The following FRMD3 variants were observed in gnomAD, a reference collection of about 807,000 sequenced individuals.
FRMD3 encodes the protein FERM domain-containing protein 3.
In FRMD3, 33 loss-of-function variants were observed where a neutral mutation model predicts 70.2. The ratio of observed to expected loss-of-function variants is 0.47; its 90% CI spans 0.36 to 0.63. FRMD3 has a LOEUF of 0.63. Ranked by LOEUF, FRMD3 falls within the 20% of genes least tolerant of loss-of-function variation. The pLI, the probability that FRMD3 is intolerant of heterozygous loss-of-function variation, is 0.00. For synonymous variants in FRMD3, 279 were observed against 255.9 expected (o/e 1.09, Z -0.86); for missense variants, 632 against 711.4 (o/e 0.89, Z 1.27).
intron 3 of FRMD3, among the ~76,000 whole-genome samples, chr9:83,370,019 G>C (rs1387351400): frequency 6.6e-6 from 1 of 152,132 alleles, no homozygotes; most frequent in Non-Finnish European, 1.5e-5. Flanking sequence ...CCAACCCTGG[G>C]AAACATCATT....
chr9:83,336,021 C>T (rs1823565732), intron 5 of FRMD3, among the ~76,000 whole-genome samples: 1 of 152,034 alleles, frequency 6.6e-6, no homozygotes, highest in Non-Finnish European at 1.5e-5. Context: ...AGCAGCAGAC[C>T]CAGGCACTGT....
At position 83,492,766 on chromosome 9, in the gene FRMD3, T is replaced by C. The variant is rs570291349; in HGVS notation, c.147+45319A>G. On this transcript the variant is annotated intron_variant, in intron 1 of 13. Coordinates refer to ENST00000304195, the MANE Select transcript of FRMD3 (RefSeq NM_174938.6). The stretch of plus-strand genomic sequence containing the variant: ...CCACCACTCACAATTTGCATGGGTC[T>C]CCTGGCCTCACCAGCAGCCTTCTGG... Among the ~76,000 whole-genome samples, 9 of 152,306 alleles carry C rather than the reference T, an allele frequency of 5.9e-5. 1 individual carries two copies. The highest frequency in any genetic ancestry group is 2.2e-4 in the African/African-American group (9 of 41,568).
chr9:83,484,657 A>G (rs1380495902), intron 1 of FRMD3, among the ~76,000 whole-genome samples: 1 of 152,158 alleles, frequency 6.6e-6, no homozygotes, highest in East Asian at 1.9e-4. Context: ...GCCTCAAGTG[A>G]TCCGCCCACC....
intron 10 of FRMD3, among the ~76,000 whole-genome samples, chr9:83,300,216 A>T (rs11140012): frequency 1.3e-3 from 204 of 152,260 alleles, no homozygotes; most frequent in African/African-American, 4.6e-3. Flanking sequence ...TGCTCTACAC[A>T]CCAAGGTAAG....
At chr9:83,513,690 C>T (rs1174079989) in intron 1 of FRMD3, among the ~76,000 whole-genome samples, 1 of 152,068 alleles carries the variant, frequency 6.6e-6, no homozygotes, top group African/African-American at 2.4e-5. Context: ...CAAATAGGAA[C>T]AGCTCCGGTC....
At chr9:83,377,109 C>G (rs998597596) in intron 2 of FRMD3, among the ~76,000 whole-genome samples, 1 of 152,088 alleles carries the variant, frequency 6.6e-6, no homozygotes, top group African/African-American at 2.4e-5. Flanking sequence ...CTATGGAGGC[C>G]ATGAAATAAT....
chr9:83,346,430 A>G (rs996141679), intron 4 of FRMD3, among the ~76,000 whole-genome samples: 2 of 152,142 alleles, frequency 1.3e-5, no homozygotes, highest in Non-Finnish European at 2.9e-5. Flanking sequence ...CTAAGTGAAA[A>G]GACGCCAGAC....
At chr9:83,302,165 G>A (rs1348082409) in intron 10 of FRMD3, among the ~76,000 whole-genome samples, 1 of 152,188 alleles carries the variant, frequency 6.6e-6, no homozygotes, top group African/African-American at 2.4e-5. Context: ...ACATGAATCC[G>A]GAGTACCAGA....
intron 10 of FRMD3, among the ~76,000 whole-genome samples, chr9:83,303,117 C>T (rs1227755451): frequency 6.6e-6 from 1 of 152,194 alleles, no homozygotes; most frequent in African/African-American, 2.4e-5. Context: ...CAAGAGGCCA[C>T]CTCTAGAATT....
At chr9:83,500,908 G>A (rs1382450496) in intron 1 of FRMD3, among the ~76,000 whole-genome samples, 1 of 152,148 alleles carries the variant, frequency 6.6e-6, no homozygotes, top group African/African-American at 2.4e-5. Flanking sequence ...ACACTCTTGG[G>A]AGAGGTAACA....
Position 83,335,649 on chromosome 9 carries a change from G to C in FRMD3, c.473-10C>G, listed in dbSNP as rs1393375500. On this transcript the variant is annotated splice_polypyrimidine_tract_variant and intron_variant, in intron 5 of 13. Coordinates refer to ENST00000304195, the MANE Select transcript of FRMD3 (RefSeq NM_174938.6). ...TAATCACCAAGCTCAGCTGTAATGA[G>C]TGAAAAAATAAAGAGACAGAGAAAG... is the stretch of plus-strand genomic sequence containing the variant. 6.2e-7 allele frequency: 1 copy of C among 1,606,222 alleles called. No homozygotes were observed.
At chr9:83,500,540 A>ACACACAC (rs1829045068) in intron 1 of FRMD3, among the ~76,000 whole-genome samples, 25 of 148,380 alleles carry the variant, frequency 1.7e-4, no homozygotes, top group South Asian at 4.4e-4. Context: ...ACACACACAC[A>ACACACAC]ATGTCAATAT....
At chr9:83,419,448 G>C (rs761184721) in intron 1 of FRMD3, among the ~76,000 whole-genome samples, 15 of 143,500 alleles carry the variant, frequency 1.0e-4, no homozygotes, top group Non-Finnish European at 2.0e-4. Context: ...TGCTGTGAGA[G>C]AGTGTGTGTG....
the FRMD3 span, among the ~76,000 whole-genome samples, chr9:83,556,025 T>G: frequency 6.6e-6 from 1 of 152,200 alleles, no homozygotes; most frequent in Non-Finnish European, 1.5e-5. Flanking sequence ...ACTGTTTCCT[T>G]GATTAGACCC....
chr9:83,432,170 G>C (rs1002606271), intron 1 of FRMD3, among the ~76,000 whole-genome samples: 1 of 152,102 alleles, frequency 6.6e-6, no homozygotes. Flanking sequence ...CCCCACATCC[G>C]GCCCTCTGGA....
chr9:83,476,976 C>G (rs1369018017), intron 1 of FRMD3, among the ~76,000 whole-genome samples: 1 of 152,148 alleles, frequency 6.6e-6, no homozygotes, highest in Non-Finnish European at 1.5e-5. Flanking sequence ...ATAACCACAT[C>G]CCCAGTACCT....
chr9:83,484,861 TAGAG>T (rs532979007), intron 1 of FRMD3, among the ~76,000 whole-genome samples: 1 of 152,154 alleles, frequency 6.6e-6, no homozygotes, highest in Non-Finnish European at 1.5e-5. Context: ...GGAAACAATA[TAGAG>T]AAACACTCCA....
intron 1 of FRMD3, among the ~76,000 whole-genome samples, chr9:83,470,618 A>C (rs555180769): frequency 7.2e-5 from 11 of 152,336 alleles, no homozygotes; most frequent in African/African-American, 2.4e-4. Context: ...TCTGCACACC[A>C]ATGTGTGCCT....
chr9:83,436,098 C>G (rs546986658), intron 1 of FRMD3, among the ~76,000 whole-genome samples: 1 of 152,282 alleles, frequency 6.6e-6, no homozygotes, highest in South Asian at 2.1e-4. Flanking sequence ...ATTCTCTCTA[C>G]CCACAGTCCT....
Sources: allele counts gnomAD v4.1 joint callset (sites outside exome capture counted in the v4.1 genomes callset), GRCh38; gene constraint gnomAD v4.1.1; transcripts MANE v1.5; gene names NCBI Gene and HGNC (gene_info 2026-07-23, HGNC 2026-07-21).